XRCC4: variants seen among roughly 807,000 people sequenced by gnomAD.
XRCC4 encodes X-ray repair cross complementing 4.
A neutral mutation model predicts 39.1 loss-of-function variants in XRCC4; 28 were observed. The ratio of observed to expected loss-of-function variants is 0.72; its 90% confidence interval spans 0.53 to 0.98. The LOEUF is 0.98. Ranked by LOEUF, XRCC4 falls within the 50% of genes least tolerant of loss-of-function variation. The probability of loss-of-function intolerance (pLI) is 0.00; values close to 1 mark genes in which losing one functional copy is unlikely to be tolerated. For missense variants in XRCC4, 350 were observed against 376.4 expected, an observed-to-expected ratio of 0.93 and a Z score of 0.58; for synonymous variants, 123 against 126.4, an observed-to-expected ratio of 0.97 and a Z score of 0.18.
At chr5:83,193,718 G>A (rs777652422) in intron 3 of XRCC4, among the ~76,000 whole-genome samples, 1 of 152,088 alleles carries the variant, frequency 6.6e-6, no homozygotes, top group African/African-American at 2.4e-5. Flanking sequence ...CTTTTCAAAT[G>A]TTAAAAAAAA....
At chr5:83,155,393 G>A (rs1382367) in intron 3 of XRCC4, among the ~76,000 whole-genome samples, 53,997 of 152,044 alleles carry the variant, frequency 0.36, 10,186 homozygotes, top group Middle Eastern at 0.52. Flanking sequence ...ATTGCTACAT[G>A]CATACCAGTC....
chr5:83,115,381 C>G (rs998176786), intron 3 of XRCC4, among the ~76,000 whole-genome samples: 2 of 152,166 alleles, frequency 1.3e-5, no homozygotes, highest in African/African-American at 4.8e-5. Context: ...AAGCCAAGAT[C>G]ACACCATTGC....
chr5:83,361,937 C>T, the XRCC4 span, among the ~76,000 whole-genome samples: 1 of 152,096 alleles, frequency 6.6e-6, no homozygotes, highest in Non-Finnish European at 1.5e-5. Flanking sequence ...TCTATTCCTT[C>T]CCTCTGTCCC....
chr5:83,295,719 C>CGCACAT (rs796945846), intron 7 of XRCC4, among the ~76,000 whole-genome samples: 1 of 151,856 alleles, frequency 6.6e-6, no homozygotes, highest in South Asian at 2.1e-4. Flanking sequence ...CACACATGCA[C>CGCACAT]GCACACGCAC....
At chr5:83,290,133 T>C (rs1472924638) in intron 7 of XRCC4, among the ~76,000 whole-genome samples, 1 of 151,860 alleles carries the variant, frequency 6.6e-6, no homozygotes, top group Non-Finnish European at 1.5e-5. Flanking sequence ...TTTCTCCAGA[T>C]TTTTGGATGG....
chr5:83,191,036 T>C (rs540485755), intron 3 of XRCC4, among the ~76,000 whole-genome samples: 2 of 152,274 alleles, frequency 1.3e-5, no homozygotes, highest in East Asian at 3.9e-4. Context: ...CAAAATTTTA[T>C]CAAGCACATA....
intron 7 of XRCC4, among the ~76,000 whole-genome samples, chr5:83,314,078 CCT>C (rs1489648627): frequency 2.6e-5 from 4 of 151,894 alleles, no homozygotes; most frequent in Non-Finnish European, 5.9e-5. Context: ...AAATACCTCC[CCT>C]TTCATTCTCA....
At chr5:83,340,698 C>T (rs1195371254) in intron 7 of XRCC4, among the ~76,000 whole-genome samples, 1 of 152,018 alleles carries the variant, frequency 6.6e-6, no homozygotes, top group East Asian at 1.9e-4. Flanking sequence ...AACTTCTTGA[C>T]TTTTGATCAC....
intron 7 of XRCC4, among the ~76,000 whole-genome samples, chr5:83,268,538 T>G (rs1754032865): frequency 6.6e-6 from 1 of 152,164 alleles, no homozygotes; most frequent in Non-Finnish European, 1.5e-5. Flanking sequence ...CAAATTGTGC[T>G]CTAAGAAGGG....
chr5:83,236,828 A>C (rs1310878355), intron 6 of XRCC4, among the ~76,000 whole-genome samples: 1 of 152,002 alleles, frequency 6.6e-6, no homozygotes. Context: ...CAAGGGACAA[A>C]TAACCAGAAT....
chr5:83,134,786 GT>G (rs1747804002), intron 3 of XRCC4, among the ~76,000 whole-genome samples: 1 of 152,130 alleles, frequency 6.6e-6, no homozygotes, highest in African/African-American at 2.4e-5. Context: ...TTTATGAGCT[GT>G]AACACTCACT....
At chr5:83,315,907 A>G (rs1040856820) in intron 7 of XRCC4, among the ~76,000 whole-genome samples, 1 of 152,134 alleles carries the variant, frequency 6.6e-6, no homozygotes, top group Non-Finnish European at 1.5e-5. Flanking sequence ...AAGTCTTATT[A>G]TTTCAGAATT....
intron 7 of XRCC4, among the ~76,000 whole-genome samples, chr5:83,341,659 C>G (rs1410183873): frequency 6.6e-6 from 1 of 151,998 alleles, no homozygotes; most frequent in Non-Finnish European, 1.5e-5. Context: ...GATGACCCCC[C>G]CACTCCCATT....
At chr5:83,231,377 A>G (rs1356893968) in intron 6 of XRCC4, among the ~76,000 whole-genome samples, 1 of 152,038 alleles carries the variant, frequency 6.6e-6, no homozygotes, top group East Asian at 1.9e-4. Context: ...AGTTGAGTTT[A>G]TTTAGCGTTA....
chr5:83,304,404 T>G (rs1482090835), intron 7 of XRCC4, among the ~76,000 whole-genome samples: 1 of 152,136 alleles, frequency 6.6e-6, no homozygotes, highest in East Asian at 1.9e-4. Flanking sequence ...ACATGACTCT[T>G]TTCTCTTTAT....
chr5:83,129,114 A>C (rs1256834320), intron 3 of XRCC4, among the ~76,000 whole-genome samples: 1 of 151,792 alleles, frequency 6.6e-6, no homozygotes, highest in Non-Finnish European at 1.5e-5. Flanking sequence ...TTTAGGTCTA[A>C]TGTTTAAGTC....
At chr5:83,144,267 CTGTGTGTGTGTGTGTGTGTG>C (rs56769195) in intron 3 of XRCC4, among the ~76,000 whole-genome samples, 132 of 140,134 alleles carry the variant, frequency 9.4e-4, no homozygotes, top group African/African-American at 3.3e-3. Flanking sequence ...TAATATTCCT[CTGTGTGTGTGTGTGTGTGTG>C]TGTGTGTGTG....
At chr5:83,260,057 A>G (rs555940752) in intron 7 of XRCC4, among the ~76,000 whole-genome samples, 1 of 152,164 alleles carries the variant, frequency 6.6e-6, no homozygotes, top group East Asian at 1.9e-4. Context: ...TGCTATCTCC[A>G]TACTATGCTG....
chr5:83,242,192 G>A (rs1316313937), intron 6 of XRCC4, among the ~76,000 whole-genome samples: 1 of 151,744 alleles, frequency 6.6e-6, no homozygotes, highest in Non-Finnish European at 1.5e-5. Flanking sequence ...GTGTGTGTGT[G>A]TGTGTGTAAG....
Sources: allele counts gnomAD v4.1 joint callset (sites outside exome capture counted in the v4.1 genomes callset), GRCh38; gene constraint gnomAD v4.1.1; transcripts MANE v1.5; gene names NCBI Gene and HGNC (gene_info 2026-07-23, HGNC 2026-07-21).